VPS13A: variants seen among roughly 807,000 people sequenced by gnomAD.
VPS13A encodes the protein intermembrane lipid transfer protein VPS13A.
VPS13A carries 264 observed loss-of-function variants against 390.9 expected under a neutral mutation model. The observed-to-expected ratio is 0.68, with a 90% CI of 0.61 to 0.75. VPS13A has a LOEUF of 0.75. Among genes scored for constraint, VPS13A ranks in the 30% least tolerant of loss-of-function variants. The probability of loss-of-function intolerance (pLI) is 0.00; values close to 1 mark genes in which losing one functional copy is unlikely to be tolerated. For missense variants in VPS13A, 3,409 were observed against 3,733.9 expected (o/e 0.91, Z 2.27); for synonymous variants, 1,231 against 1,227.1 (o/e 1.00, Z -0.07).
intron 9 of VPS13A, 113 bp downstream of exon 9, chr9:77,213,427 T>C (rs546839444): frequency 4.6e-4 from 383 of 824,010 alleles, no homozygotes; most frequent in Non-Finnish European, 6.8e-4. Context: ...GCACAATCTA[T>C]TAGCAGAATT....
chr9:77,310,336 A>G (rs1405709469), intron 35 of VPS13A, among the ~76,000 whole-genome samples: 2 of 152,208 alleles, frequency 1.3e-5, no homozygotes, highest in Admixed American at 6.5e-5. Context: ...AGGAAAGAAA[A>G]AAAAAGCCAT....
rs1317195719 is a variant in VPS13A at position 77,252,336 on chromosome 9, G to A, written c.2272G>A (p.Asp758Asn). The A allele has an allele frequency of 4.3e-6, 7 of 1,612,810 alleles. No individual in the cohort carries two copies. The African/African-American group carries it at 9.4e-5, about 22-fold the overall frequency. Residue 758 changes from aspartate to asparagine, a missense_variant, in exon 22 of 72, where the codon GAT becomes AAT. Transcript: ENST00000360280. ...LELSKAMVFM[D>N]VRMPKFKIYG... ...ACTGTCTAAGGCCATGGTTTTCATG[G>A]ATGTAAGGATGCCCAAGTATGTACT...
chr9:77,221,407 A>G (rs1197902913), intron 13 of VPS13A, 51 bp downstream of exon 13: 1 of 1,594,330 alleles, frequency 6.3e-7, no homozygotes, highest in Non-Finnish European at 8.6e-7. Flanking sequence ...ATAGCTCCTT[A>G]TTGGTCTTCA....
intron 1 of VPS13A, among the ~76,000 whole-genome samples, chr9:77,194,494 C>T (rs1824872140): frequency 6.6e-6 from 1 of 152,114 alleles, no homozygotes; most frequent in Non-Finnish European, 1.5e-5. Context: ...ACATACCTGG[C>T]CATGCTCCAC....
intron 67 of VPS13A, among the ~76,000 whole-genome samples, chr9:77,374,717 T>C (rs1027975738): frequency 6.6e-6 from 1 of 152,192 alleles, no homozygotes; most frequent in Non-Finnish European, 1.5e-5. Flanking sequence ...TACACATTGT[T>C]TTTTACTCCA....
At chr9:77,201,297 A>C in intron 2 of VPS13A, 68 bp from the exon 3 acceptor site, 3 of 1,066,272 alleles carry the variant, frequency 2.8e-6, no homozygotes, top group Non-Finnish European at 4.3e-6. Flanking sequence ...GGAAGTAAAG[A>C]GTATTCATTT....
chr9:77,339,854 T>TTA lies in VPS13A; in HGVS notation c.6720_6721dup (p.Lys2241IlefsTer24). 6.2e-7 allele frequency: 1 copy of TTA among 1,613,762 alleles called. No homozygotes were observed. Among genetic ancestry groups the TTA allele is most frequent in the Non-Finnish European group, 8.5e-7 (1 of 1,179,948 alleles). ...GAATTCATCGAAAGCATCCACCTAA[T>TTA]TATAAAAAGCCAGTTCTCTTTTCTT... On this transcript the variant is annotated frameshift_variant, in exon 48 of 72. Transcript: ENST00000360280. LOFTEE classifies it high-confidence loss of function.
chr9:77,412,127 A>G (rs888063543), intron 71 of VPS13A, among the ~76,000 whole-genome samples: 3 of 152,200 alleles, frequency 2.0e-5, no homozygotes, highest in African/African-American at 4.8e-5. Flanking sequence ...AAAAAAGTCC[A>G]GGACCAGATG....
intron 52 of VPS13A, 112 bp from the exon 53 acceptor site, chr9:77,351,202 CAGA>C: frequency 7.2e-7 from 1 of 1,386,288 alleles, no homozygotes; most frequent in African/African-American, 1.4e-5. Context: ...TTGTTTTAAT[CAGA>C]ACGATCACAG....
rs1835218436 is a variant in VPS13A, at chr9:77,417,877, A to AT, written c.*1872dup. On this transcript the variant is annotated 3_prime_UTR_variant, in exon 72 of 72. Transcript: ENST00000360280. ...TGCCTGTCTTTCCTGTTCCCTTGCC[A>AT]TAAGAACCGTGAAATCTCTCCTTTC... 6.6e-6 allele frequency: 1 copy of AT among 152,118 alleles called. No homozygotes were observed. Among genetic ancestry groups the AT allele is most frequent in the African/African-American group, 2.4e-5 (1 of 41,400 alleles). The allele number at this position is 152,118 out of a possible 1,614,324, so 9.4% of individuals were successfully genotyped here.
At chr9:77,357,047 C>T (rs1373250520) in intron 55 of VPS13A, among the ~76,000 whole-genome samples, 180 bp downstream of exon 55, 1 of 152,022 alleles carries the variant, frequency 6.6e-6, no homozygotes, top group Non-Finnish European at 1.5e-5. Context: ...AGGCTGGGCG[C>T]AGTGGTTCAC....
chr9:77,283,139 CAG>C (rs1237734907), intron 29 of VPS13A, among the ~76,000 whole-genome samples: 1 of 152,066 alleles, frequency 6.6e-6, no homozygotes, highest in Non-Finnish European at 1.5e-5. Flanking sequence ...CTTCTTGAAA[CAG>C]TGTTGTCTAT....
intron 50 of VPS13A, among the ~76,000 whole-genome samples, chr9:77,341,149 C>T (rs917530279): frequency 1.3e-5 from 2 of 151,860 alleles, no homozygotes; most frequent in South Asian, 4.2e-4. Context: ...GAAGTATATT[C>T]TTTAGAATTT....
chr9:77,351,164 T>C, intron 52 of VPS13A, 153 bp from the exon 53 acceptor site: 2 of 929,450 alleles, frequency 2.2e-6, no homozygotes, highest in Admixed American at 2.7e-5. Flanking sequence ...GAACCCTTTT[T>C]TAATTGTATA....
intron 9 of VPS13A, 96 bp from the exon 10 acceptor site, chr9:77,214,233 A>G (rs1822716955): frequency 1.9e-6 from 2 of 1,028,436 alleles, no homozygotes; most frequent in South Asian, 1.3e-5. Flanking sequence ...CTGAGATTGC[A>G]CCACTGCCCT....
At chr9:77,336,473 T>G (rs1361147614) in intron 46 of VPS13A, among the ~76,000 whole-genome samples, 1 of 152,232 alleles carries the variant, frequency 6.6e-6, no homozygotes, top group Non-Finnish European at 1.5e-5. Context: ...AAATATTGAT[T>G]GAAAACTTTC....
intron 53 of VPS13A, 118 bp from the exon 54 acceptor site, chr9:77,353,291 C>G: frequency 4.1e-6 from 3 of 725,376 alleles, no homozygotes; most frequent in Non-Finnish European, 7.0e-6. Flanking sequence ...GCCACTAACC[C>G]CATGAAGTAG....
At chr9:77,209,342 T>C in intron 5 of VPS13A, 81 bp from the exon 6 acceptor site, 1 of 973,242 alleles carries the variant, frequency 1.0e-6, no homozygotes, top group South Asian at 1.4e-5. Flanking sequence ...CAAGGCAACG[T>C]AAGCATGTTA....
rs369887529 is a variant in VPS13A at position 77,318,315 on chromosome 9, G to A, written c.5037G>A (p.Thr1679=). 71 of 1,611,000 alleles carry A rather than the reference G, an allele frequency of 4.4e-5. No homozygotes were observed. Among genetic ancestry groups the A allele is most frequent in the Middle Eastern group, 1.7e-4 (1 of 6,030 alleles). ...CTAAGGAAACCATCCCAGAAGAAAC[G>A]GCTTCTTCTACTGCACATTTATGGG... ...YTTKETIPEE[T]ASSTAHLWEK... Residue 1679 remains threonine, a synonymous_variant, in exon 41 of 72, where the codon ACG becomes ACA. Transcript: ENST00000360280.
Sources: allele counts gnomAD v4.1 joint callset (sites outside exome capture counted in the v4.1 genomes callset), GRCh38; gene constraint gnomAD v4.1.1; transcripts MANE v1.5; gene names NCBI Gene and HGNC (gene_info 2026-07-23, HGNC 2026-07-21).